The following TIPIN variants were observed in gnomAD, a reference collection of about 807,000 sequenced individuals.
TIPIN encodes the protein TIMELESS interacting protein.
A neutral mutation model predicts 35.6 loss-of-function variants in TIPIN; 29 were observed. The ratio of observed to expected loss-of-function variants is 0.82; its 90% CI spans 0.61 to 1.11. The LOEUF is 1.11. Ranked by LOEUF, TIPIN falls within the 50% of genes most tolerant of loss-of-function variation. TIPIN has a pLI of 0.00. For missense variants in TIPIN, 296 were observed against 345.4 expected (o/e 0.86, Z 1.13); for synonymous variants, 102 against 121.5 (o/e 0.84, Z 1.06).
chr15:66,354,493 A>G (rs1348138035), intron 1 of TIPIN, among the ~76,000 whole-genome samples: 1 of 151,906 alleles, frequency 6.6e-6, no homozygotes. Context: ...ACTCTCATCC[A>G]CTCGTCTCCT....
chr15:66,343,922 C>T (rs2093105370), intron 6 of TIPIN, among the ~76,000 whole-genome samples: 1 of 151,586 alleles, frequency 6.6e-6, no homozygotes, highest in Non-Finnish European at 1.5e-5. Context: ...CACTTGAACC[C>T]GGGAGGCAGA....
intron 6 of TIPIN, among the ~76,000 whole-genome samples, chr15:66,344,563 AT>A (rs2093110299): frequency 6.6e-6 from 1 of 152,054 alleles, no homozygotes; most frequent in African/African-American, 2.4e-5. Flanking sequence ...TTAAAATGAG[AT>A]TTAAAGCTGG....
intron 1 of TIPIN, among the ~76,000 whole-genome samples, chr15:66,377,715 C>A (rs552175055): frequency 6.6e-6 from 1 of 152,048 alleles, no homozygotes; most frequent in Non-Finnish European, 1.5e-5. Context: ...GTTGCCCAGG[C>A]TGGAGTGCTG....
intron 1 of TIPIN, among the ~76,000 whole-genome samples, chr15:66,383,890 A>G (rs1273731646): frequency 6.6e-6 from 1 of 152,226 alleles, no homozygotes; most frequent in Non-Finnish European, 1.5e-5. Context: ...CGGTATAGAT[A>G]TGTTAATTCA....
rs111371692 is a variant in TIPIN, at chr15:66,377,125, A to G, written c.-9+9482T>C. ...TCCCTCTCAAAAAAAAAAAAAAAAA[A>G]AGAGAGTGCAGCAATTATACTCCCA... On this transcript the variant is annotated intron_variant, in intron 1 of 7. Coordinates refer to the TIPIN transcript ENST00000562124. Among the ~76,000 whole-genome samples the G allele has an allele frequency of 6.4e-3, 964 of 151,226 alleles. 16 individuals carry two copies. The highest frequency in any genetic ancestry group is 0.022 in the African/African-American group (922 of 41,244).
At chr15:66,365,323 A>T (rs980502998) in intron 1 of TIPIN, among the ~76,000 whole-genome samples, 3 of 152,206 alleles carry the variant, frequency 2.0e-5, no homozygotes, top group Non-Finnish European at 4.4e-5. Context: ...ATACATTAAC[A>T]TGCTAAAAGA....
chr15:66,377,270 C>A (rs1356890710), intron 1 of TIPIN, among the ~76,000 whole-genome samples: 1 of 152,140 alleles, frequency 6.6e-6, no homozygotes, highest in Non-Finnish European at 1.5e-5. Flanking sequence ...ATTTGTATGA[C>A]TTTATCTGTG....
At chr15:66,364,497 C>T (rs753234993) in intron 1 of TIPIN, among the ~76,000 whole-genome samples, 5 of 152,040 alleles carry the variant, frequency 3.3e-5, no homozygotes, top group Non-Finnish European at 4.4e-5. Flanking sequence ...TAAAGACAAG[C>T]AACCATAAAG....
At chr15:66,371,857 T>C (rs2093278942) in intron 1 of TIPIN, among the ~76,000 whole-genome samples, 2 of 152,090 alleles carry the variant, frequency 1.3e-5, no homozygotes, top group South Asian at 2.1e-4. Flanking sequence ...TGCCATGGCA[T>C]GCTCATAGCT....
At chr15:66,345,886 C>G (rs1171906714) in intron 6 of TIPIN, among the ~76,000 whole-genome samples, 1 of 151,856 alleles carries the variant, frequency 6.6e-6, no homozygotes, top group Non-Finnish European at 1.5e-5. Flanking sequence ...ATTCAGTTCT[C>G]TTATTTGTAC....
chr15:66,346,514 G>A (rs890700431), intron 6 of TIPIN, among the ~76,000 whole-genome samples: 1 of 151,760 alleles, frequency 6.6e-6, no homozygotes, highest in African/African-American at 2.4e-5. Flanking sequence ...ATCCCACCCT[G>A]CGACCTACTC....
intron 6 of TIPIN, among the ~76,000 whole-genome samples, chr15:66,345,504 C>T (rs1164935879): frequency 6.6e-6 from 1 of 152,128 alleles, no homozygotes; most frequent in African/African-American, 2.4e-5. Flanking sequence ...CAACTGAAAT[C>T]AGGAGTTTGA....
intron 1 of TIPIN, among the ~76,000 whole-genome samples, chr15:66,383,818 C>A (rs1478966886): frequency 1.3e-5 from 2 of 151,922 alleles, no homozygotes; most frequent in African/African-American, 4.8e-5. Flanking sequence ...ATTTTATTTG[C>A]GTTTTTTGTT....
intron 6 of TIPIN, among the ~76,000 whole-genome samples, chr15:66,346,523 T>G (rs370171664): frequency 3.3e-5 from 5 of 152,216 alleles, no homozygotes; most frequent in South Asian, 2.1e-4. Context: ...TGCGACCTAC[T>G]CATACCTCTA....
At chr15:66,380,767 A>G (rs547127620) in intron 1 of TIPIN, among the ~76,000 whole-genome samples, 4 of 152,128 alleles carry the variant, frequency 2.6e-5, no homozygotes, top group East Asian at 3.9e-4. Flanking sequence ...GTGAGCCCCA[A>G]TTGCACCACT....
chr15:66,355,874 CTAAAA>C (rs959545312), intron 1 of TIPIN, among the ~76,000 whole-genome samples: 6 of 152,042 alleles, frequency 3.9e-5, no homozygotes, highest in African/African-American at 7.2e-5. Context: ...ATGACAGTAC[CTAAAA>C]TATATTAAGT....
chr15:66,362,533 C>T (rs2093236095), intron 1 of TIPIN, among the ~76,000 whole-genome samples: 1 of 151,814 alleles, frequency 6.6e-6, no homozygotes. Flanking sequence ...CCAGCCTGGC[C>T]AACATGGGGA....
intron 6 of TIPIN, among the ~76,000 whole-genome samples, chr15:66,344,687 CAAAAAAAAAAAGAAA>C (rs1316465517): frequency 1.6e-4 from 10 of 62,826 alleles, no homozygotes; most frequent in East Asian, 4.7e-4. Context: ...CCTTTCTCTA[CAAAAAAAAAAAGAAA>C]AAAAAAAAAA....
chr15:66,351,997 G>T, intron 3 of TIPIN, 132 bp downstream of exon 3: 2 of 690,452 alleles, frequency 2.9e-6, no homozygotes, highest in Non-Finnish European at 4.7e-6. Flanking sequence ...AATATGTTCT[G>T]CTGAACTAAA....
Sources: allele counts gnomAD v4.1 joint callset (sites outside exome capture counted in the v4.1 genomes callset), GRCh38; gene constraint gnomAD v4.1.1; transcripts MANE v1.5; gene names NCBI Gene and HGNC (gene_info 2026-07-23, HGNC 2026-07-21).